Variants in NHS observed in about 807,000 individuals in gnomAD.
NHS encodes the protein NHS actin remodeling regulator.
NHS carries 5 observed loss-of-function variants against 72.5 expected under a neutral mutation model. The ratio of observed to expected loss-of-function variants is 0.07; its 90% CI spans 0.04 to 0.14. The LOEUF is 0.14. Among genes scored for constraint, NHS ranks in the 10% least tolerant of loss-of-function variants. The pLI, the probability that NHS is intolerant of heterozygous loss-of-function variation, is 1.00. For missense variants in NHS, 1,072 were observed against 1,355.7 expected (o/e 0.79, Z 3.29); for synonymous variants, 464 against 547.7 (o/e 0.85, Z 2.13).
intron 3 of NHS, among the ~76,000 whole-genome samples, chrX:17,712,752 G>A (rs1227609731): frequency 1.8e-5 from 2 of 109,953 alleles, no homozygotes; most frequent in Admixed American, 9.7e-5. Context: ...CTTGAAGCTG[G>A]CTGAAAGGTT....
At chrX:17,619,311 A>ACAATAAATGAATGACAATGGGATTTTGG (rs1569295126) in intron 1 of NHS, among the ~76,000 whole-genome samples, 1 of 112,382 alleles carries the variant, frequency 8.9e-6, no homozygotes, top group African/African-American at 3.2e-5. Context: ...GGAGCAGAGC[A>ACAATAAATGAATGACAATGGGATTTTGG]TCTCAGCTGA....
rs1204714387 is a variant in NHS at position 17,734,416 on chromosome X, A to G, written c.*1952A>G. 1.8e-5 allele frequency: 2 copies of G among 112,034 alleles called. No individual in the cohort carries two copies. The highest frequency in any genetic ancestry group is 6.5e-5 in the African/African-American group (2 of 30,675). 9.2% of individuals were successfully genotyped at this position (112,034 alleles called of 1,213,427 possible). A position where few individuals can be genotyped will look rare whatever the true frequency, so the allele number is the denominator to read the frequency against. On this transcript the variant is annotated 3_prime_UTR_variant, in exon 9 of 9. Coordinates refer to ENST00000676302, the MANE Select transcript of NHS (RefSeq NM_001291867.2). Reference sequence around the variant, plus strand: ...GCTTCTTCTACTATTTGTTTTCACTACCAAACTGTGTTACTAAATTTCTTG... The same window carrying G: ...GCTTCTTCTACTATTTGTTTTCACTGCCAAACTGTGTTACTAAATTTCTTG...
At chrX:17,549,026 G>T (rs2065311127) in intron 1 of NHS, among the ~76,000 whole-genome samples, 1 of 102,694 alleles carries the variant, frequency 9.7e-6, no homozygotes, top group African/African-American at 3.6e-5. Flanking sequence ...TGCATTTGGG[G>T]GAAACAAGTT....
At chrX:17,652,933 T>G (rs1172723385) in intron 1 of NHS, among the ~76,000 whole-genome samples, 2 of 111,365 alleles carry the variant, frequency 1.8e-5, no homozygotes, top group African/African-American at 6.5e-5. Context: ...TGGACTGGGA[T>G]GTAAACTCAG....
At chrX:17,633,777 T>A (rs1179730689) in intron 1 of NHS, among the ~76,000 whole-genome samples, 1 of 112,150 alleles carries the variant, frequency 8.9e-6, no homozygotes, top group Non-Finnish European at 1.9e-5. Context: ...TTTTAAAACC[T>A]ATTATGACTT....
At chrX:17,585,738 G>GTAATAGTAATAA (rs2065571714) in intron 1 of NHS, among the ~76,000 whole-genome samples, 1 of 101,248 alleles carries the variant, frequency 9.9e-6, no homozygotes, top group East Asian at 3.0e-4. Flanking sequence ...AAAAATAATA[G>GTAATAGTAATAA]TAATAATAAT....
chrX:17,512,055 A>G (rs1387460790), intron 1 of NHS, among the ~76,000 whole-genome samples: 1 of 111,956 alleles, frequency 8.9e-6, no homozygotes, highest in Non-Finnish European at 1.9e-5. Context: ...ATGCTTGACA[A>G]TGCACTCTTT....
intron 1 of NHS, among the ~76,000 whole-genome samples, chrX:17,531,054 T>C (rs774688363): frequency 4.5e-5 from 5 of 112,100 alleles, no homozygotes; most frequent in African/African-American, 6.5e-5. Flanking sequence ...CGAGGAACCC[T>C]GGCCCTTCTG....
intron 1 of NHS, among the ~76,000 whole-genome samples, chrX:17,551,627 G>A (rs910258826): frequency 1.8e-5 from 2 of 111,776 alleles, no homozygotes; most frequent in African/African-American, 6.5e-5. Context: ...GGTGGGGTGC[G>A]GGGGGGCCCC....
intron 1 of NHS, among the ~76,000 whole-genome samples, chrX:17,600,535 AACAGCAC>A (rs2147049677): frequency 8.9e-6 from 1 of 112,685 alleles, no homozygotes; most frequent in Non-Finnish European, 1.9e-5. Context: ...GCATTCTAAA[AACAGCAC>A]TAGGGTATGG....
intron 3 of NHS, among the ~76,000 whole-genome samples, chrX:17,693,859 G>A (rs2066211842): frequency 8.9e-6 from 1 of 112,574 alleles, no homozygotes; most frequent in African/African-American, 3.2e-5. Context: ...TCATAAAGCA[G>A]AAGTTCTTAA....
At chrX:17,482,350 A>G (rs1053146098) in intron 1 of NHS, among the ~76,000 whole-genome samples, 2 of 111,860 alleles carry the variant, frequency 1.8e-5, no homozygotes, top group Admixed American at 1.9e-4. Flanking sequence ...CAGTTTATCC[A>G]CAGTCCCTCT....
chrX:17,378,515 AC>A (rs1163512308), intron 1 of NHS, among the ~76,000 whole-genome samples: 4 of 112,156 alleles, frequency 3.6e-5, no homozygotes, highest in Non-Finnish European at 5.6e-5. Flanking sequence ...GAGAAAAAAC[AC>A]ACTATTATGT....
chrX:17,420,068 C>T (rs902956063), intron 1 of NHS, among the ~76,000 whole-genome samples: 2 of 111,403 alleles, frequency 1.8e-5, no homozygotes, highest in East Asian at 2.8e-4. Context: ...TGATTCCTTC[C>T]CCTTTCTAAA....
intron 1 of NHS, among the ~76,000 whole-genome samples, chrX:17,543,045 G>A (rs1017124219): frequency 7.2e-5 from 8 of 111,818 alleles, no homozygotes; most frequent in Non-Finnish European, 1.5e-4. Context: ...GTATAAACCA[G>A]TGCTTCTCAA....
chrX:17,548,879 G>A (rs764842928), intron 1 of NHS, among the ~76,000 whole-genome samples: 22 of 111,259 alleles, frequency 2.0e-4, no homozygotes, highest in Non-Finnish European at 2.6e-4. Flanking sequence ...TAAGGTGAAC[G>A]TTGAATCAAG....
At chrX:17,530,076 C>T (rs2146942119) in intron 1 of NHS, among the ~76,000 whole-genome samples, 1 of 110,885 alleles carries the variant, frequency 9.0e-6, no homozygotes, top group Admixed American at 9.6e-5. Flanking sequence ...AACAAAGATG[C>T]TTTCCCTGCA....
At chrX:17,440,940 G>A (rs2064749820) in intron 1 of NHS, among the ~76,000 whole-genome samples, 1 of 111,420 alleles carries the variant, frequency 9.0e-6, no homozygotes, top group Non-Finnish European at 1.9e-5. Flanking sequence ...AGCCCAAGGA[G>A]CTATCCTCCC....
chrX:17,669,368 A>C (rs1278138904), intron 1 of NHS, among the ~76,000 whole-genome samples: 1 of 112,292 alleles, frequency 8.9e-6, no homozygotes, highest in Non-Finnish European at 1.9e-5. Context: ...GGCAGAAATC[A>C]GTTGCAGGAA....
Sources: allele counts gnomAD v4.1 joint callset (sites outside exome capture counted in the v4.1 genomes callset), GRCh38; gene constraint gnomAD v4.1.1; transcripts MANE v1.5; gene names NCBI Gene and HGNC (gene_info 2026-07-23, HGNC 2026-07-21).